The following RNF24 variants were observed in gnomAD, a reference collection of about 807,000 sequenced individuals.
RNF24 encodes ring finger protein 24.
RNF24 carries 14 observed loss-of-function variants against 20.0 expected under a neutral mutation model. The observed-to-expected ratio is 0.70, with a 90% CI of 0.46 to 1.10. The LOEUF is 1.10. Among genes scored for constraint, RNF24 ranks in the 50% least tolerant of loss-of-function variants. The pLI is 0.00. For synonymous variants in RNF24, 45 were observed against 61.1 expected, an observed-to-expected ratio of 0.74 and a Z score of 1.23; for missense variants, 124 against 177.6, an observed-to-expected ratio of 0.70 and a Z score of 1.71.
At chr20:3,964,814 G>T (rs1316678343) in intron 1 of RNF24, among the ~76,000 whole-genome samples, 1 of 151,966 alleles carries the variant, frequency 6.6e-6, no homozygotes, top group Non-Finnish European at 1.5e-5. Context: ...CACTGTGCCC[G>T]GCCAATTTCT....
intron 1 of RNF24, among the ~76,000 whole-genome samples, chr20:3,996,426 A>C (rs1980869963): frequency 6.6e-6 from 1 of 152,178 alleles, no homozygotes; most frequent in Non-Finnish European, 1.5e-5. Flanking sequence ...CCATTTAGAG[A>C]ATCAGTATCG....
At chr20:3,935,207 G>A (rs1055938777) in intron 4 of RNF24, 134 bp from the exon 5 acceptor site, 3 of 615,426 alleles carry the variant, frequency 4.9e-6, no homozygotes, top group Non-Finnish European at 5.7e-6. Flanking sequence ...AAAAAGAAAT[G>A]AATGAATAAA....
chr20:3,999,863 T>C (rs921009709), intron 1 of RNF24, among the ~76,000 whole-genome samples: 2 of 152,142 alleles, frequency 1.3e-5, no homozygotes, highest in African/African-American at 4.8e-5. Flanking sequence ...AGAACATGGA[T>C]GAACCTTGAA....
intron 1 of RNF24, among the ~76,000 whole-genome samples, chr20:3,967,591 T>C (rs2091271174): frequency 6.6e-6 from 1 of 152,226 alleles, no homozygotes; most frequent in Non-Finnish European, 1.5e-5. Flanking sequence ...GGGGCTGCAG[T>C]AGCATTCCTC....
intron 3 of RNF24, among the ~76,000 whole-genome samples, chr20:3,946,119 G>A (rs940166050): frequency 1.3e-5 from 2 of 152,134 alleles, no homozygotes; most frequent in Admixed American, 6.6e-5. Flanking sequence ...TGACTGCAAA[G>A]GCCAATTTTA....
chr20:3,981,955 G>A (rs949017171), intron 1 of RNF24, among the ~76,000 whole-genome samples: 10 of 151,452 alleles, frequency 6.6e-5, no homozygotes, highest in Non-Finnish European at 1.2e-4. Context: ...CCGTCTCTAC[G>A]AAAAATATAA....
intron 4 of RNF24, among the ~76,000 whole-genome samples, chr20:3,943,518 C>G (rs1162521685): frequency 6.6e-6 from 1 of 151,922 alleles, no homozygotes; most frequent in Non-Finnish European, 1.5e-5. Context: ...ATGGAGAATC[C>G]AGAAATACAG....
intron 1 of RNF24, among the ~76,000 whole-genome samples, chr20:3,988,023 A>T (rs189791538): frequency 0.13 from 19,473 of 151,018 alleles, 1,473 homozygotes; most frequent in Non-Finnish European, 0.17. Context: ...AAAAAAAAAA[A>T]TTTTTTTTGG....
intron 1 of RNF24, 86 bp from the exon 2 acceptor site, chr20:3,964,110 A>G (rs1361468672): frequency 1.1e-5 from 12 of 1,135,868 alleles, no homozygotes; most frequent in Non-Finnish European, 1.4e-5. Context: ...TAGAGGCACA[A>G]TGACCTCATC....
At chr20:4,004,323 G>A (rs1168118167) in intron 1 of RNF24, among the ~76,000 whole-genome samples, 2 of 151,980 alleles carry the variant, frequency 1.3e-5, no homozygotes, top group African/African-American at 2.4e-5. Context: ...TTTGTATCAT[G>A]GTCTGCTGAA....
Position 3,977,314 on chromosome 20 carries a change from T to C in RNF24, c.-7-13290A>G, listed in dbSNP as rs191573930. ...TTTATTTTGAAAAGCTATAACTACT[T>C]AATTTAAAAAGTTGTTACAGAAGTA... On this transcript the variant is annotated intron_variant, in intron 1 of 5. Coordinates refer to ENST00000358395, the MANE Select transcript of RNF24 (RefSeq NM_001134337.3). 3.9e-4 allele frequency among the ~76,000 whole-genome samples: 59 copies of C among 152,306 alleles called. 1 individual carries two copies. Among genetic ancestry groups the C allele is most frequent in the African/African-American group, 1.4e-3 (57 of 41,560 alleles).
intron 1 of RNF24, among the ~76,000 whole-genome samples, chr20:3,980,291 C>T (rs921817464): frequency 3.9e-5 from 6 of 152,138 alleles, no homozygotes; most frequent in African/African-American, 1.4e-4. Context: ...CCCTGCTTAT[C>T]GATGGTAGAT....
intron 1 of RNF24, among the ~76,000 whole-genome samples, chr20:3,995,463 T>C (rs1271777410): frequency 6.6e-6 from 1 of 152,162 alleles, no homozygotes; most frequent in Non-Finnish European, 1.5e-5. Flanking sequence ...ATAGCCAACC[T>C]GTATAAATTA....
chr20:3,984,328 G>T (rs981434594), intron 1 of RNF24, among the ~76,000 whole-genome samples: 1 of 151,992 alleles, frequency 6.6e-6, no homozygotes, highest in South Asian at 2.1e-4. Context: ...TGTGAGCTTC[G>T]GTTATCAAGA....
chr20:3,942,879 C>T lies in RNF24; in HGVS notation c.228+2298G>A, dbSNP rs6139250. On this transcript the variant is annotated intron_variant, in intron 4 of 5. Coordinates refer to ENST00000358395, the MANE Select transcript of RNF24 (RefSeq NM_001134337.3). ...TTGCCCATGCTGGCGTGCAATGGCA[C>T]GATCTCAGCTCACTGCAACCTCTGC... 2.4e-4 allele frequency among the ~76,000 whole-genome samples: 37 copies of T among 151,082 alleles called. No individual in the cohort carries two copies. The East Asian group carries it at 6.9e-3, about 28-fold the overall frequency.
intron 1 of RNF24, among the ~76,000 whole-genome samples, chr20:4,005,645 T>C (rs1333751104): frequency 1.3e-5 from 2 of 152,212 alleles, no homozygotes; most frequent in African/African-American, 4.8e-5. Context: ...ATATTTAGGT[T>C]CTATTTCAAA....
At chr20:3,940,718 G>A (rs1446652443) in intron 4 of RNF24, among the ~76,000 whole-genome samples, 5 of 152,186 alleles carry the variant, frequency 3.3e-5, no homozygotes, top group African/African-American at 1.2e-4. Context: ...AGGGATGAAT[G>A]ATTCAAGTGA....
intron 1 of RNF24, among the ~76,000 whole-genome samples, chr20:4,002,018 C>T (rs1981438366): frequency 6.6e-6 from 1 of 151,818 alleles, no homozygotes; most frequent in South Asian, 2.1e-4. Flanking sequence ...TTTGGGAGGC[C>T]GAGGCAGGCA....
At chr20:4,001,725 T>C (rs770700953) in intron 1 of RNF24, among the ~76,000 whole-genome samples, 4 of 151,852 alleles carry the variant, frequency 2.6e-5, no homozygotes, top group South Asian at 2.1e-4. Context: ...CGCTTGAACC[T>C]AGGAGTTCAA....
Sources: gnomAD v4.1 joint callset for allele counts (sites outside exome capture counted in the v4.1 genomes callset) on GRCh38, gnomAD v4.1.1 for gene constraint, MANE v1.5 for transcripts, NCBI Gene and HGNC (gene_info 2026-07-23, HGNC 2026-07-21) for gene names.